The following GSE1 variants were observed in gnomAD, a reference collection of about 807,000 sequenced individuals.
The protein encoded by GSE1 is Gse1 coiled-coil protein.
A neutral mutation model predicts 112.6 loss-of-function variants in GSE1; 32 were observed. The ratio of observed to expected loss-of-function variants is 0.28; its 90% CI spans 0.21 to 0.38. GSE1 has a LOEUF of 0.38. Among genes scored for constraint, GSE1 ranks in the 10% least tolerant of loss-of-function variants. The pLI is 1.00. For synonymous variants in GSE1, 1,115 were observed against 735.6 expected (o/e 1.52, Z -8.35); for missense variants, 2,348 against 1,699.2 (o/e 1.38, Z -6.71).
At chr16:85,291,332 C>A (rs569056847) in intron 1 of GSE1, among the ~76,000 whole-genome samples, 1 of 152,320 alleles carries the variant, frequency 6.6e-6, no homozygotes, top group Admixed American at 6.5e-5. Context: ...CCCTGGGCAG[C>A]CCGCTCTGCA....
intron 1 of GSE1, among the ~76,000 whole-genome samples, chr16:85,247,993 C>A (rs1455318700): frequency 1.3e-5 from 2 of 152,228 alleles, no homozygotes; most frequent in Non-Finnish European, 2.9e-5. Flanking sequence ...CTGTTGGGCT[C>A]AGGACAGCTA....
At chr16:85,246,283 C>CT (rs1905702601) in intron 1 of GSE1, among the ~76,000 whole-genome samples, 1 of 138,268 alleles carries the variant, frequency 7.2e-6, no homozygotes, top group Non-Finnish European at 1.6e-5. Context: ...ACCCCACACG[C>CT]TGTCTACACA....
At chr16:85,577,744 C>T (rs1284079728) in intron 1 of GSE1, among the ~76,000 whole-genome samples, 1 of 152,220 alleles carries the variant, frequency 6.6e-6, no homozygotes, top group African/African-American at 2.4e-5. Flanking sequence ...TCTTTCTACC[C>T]TTGCCCAGGA....
chr16:85,376,502 C>T (rs1402761350), intron 2 of GSE1, among the ~76,000 whole-genome samples: 2 of 152,200 alleles, frequency 1.3e-5, no homozygotes, highest in African/African-American at 4.8e-5. Flanking sequence ...AGCCTGTGGC[C>T]GGGTGGTGTG....
Position 85,655,786 on chromosome 16 carries a change from C to A in GSE1, c.858C>A (p.Pro286=), listed in dbSNP as rs138993136. 4 of 1,609,518 alleles carry A rather than the reference C, an allele frequency of 2.5e-6. No individual in the cohort carries two copies. The highest frequency in any genetic ancestry group is 3.4e-6 in the Non-Finnish European group (4 of 1,177,632). Reference sequence around the variant, plus strand: ...CCCCGTTCTACCCCATCCCCACCCCCGGCTCCCTGCCCCCACTGCACCCAT... The same window carrying A: ...CCCCGTTCTACCCCATCCCCACCCCAGGCTCCCTGCCCCCACTGCACCCAT... ...LRSPFYPIPT[P]GSLPPLHPSA... Residue 286 remains proline, a synonymous_variant, in exon 6 of 16, where the codon CCC becomes CCA. Coordinates refer to ENST00000253458, the MANE Select transcript of GSE1 (RefSeq NM_014615.5).
chr16:85,289,760 G>A (rs2045151083), intron 1 of GSE1, among the ~76,000 whole-genome samples: 3 of 152,194 alleles, frequency 2.0e-5, no homozygotes. Flanking sequence ...CGCCCGATGA[G>A]GAACCCAGGC....
intron 2 of GSE1, among the ~76,000 whole-genome samples, chr16:85,512,474 T>G (rs2051780780): frequency 6.6e-6 from 1 of 152,224 alleles, no homozygotes; most frequent in Non-Finnish European, 1.5e-5. Flanking sequence ...GTCTGCCTGA[T>G]GGGAACCCCA....
intron 1 of GSE1, among the ~76,000 whole-genome samples, chr16:85,210,383 T>G (rs915950456): frequency 4.6e-5 from 7 of 152,186 alleles, no homozygotes; most frequent in African/African-American, 1.4e-4. Flanking sequence ...GCGGGCAGAT[T>G]GCTTGAGCCC....
chr16:85,379,976 A>G (rs896049665), intron 2 of GSE1, among the ~76,000 whole-genome samples: 3 of 152,238 alleles, frequency 2.0e-5, no homozygotes, highest in South Asian at 4.1e-4. Flanking sequence ...CCTGCCAAGC[A>G]TGGTGGGCAA....
At chr16:85,245,868 C>G (rs1478278230) in intron 1 of GSE1, among the ~76,000 whole-genome samples, 2 of 151,832 alleles carry the variant, frequency 1.3e-5, no homozygotes, top group African/African-American at 4.8e-5. Context: ...AGTTCTGCCT[C>G]CTGCGTGTGC....
chr16:85,334,512 C>T (rs368714413), intron 1 of GSE1, among the ~76,000 whole-genome samples: 117 of 152,312 alleles, frequency 7.7e-4, no homozygotes, highest in African/African-American at 2.7e-3. Context: ...CTGTCTGTCC[C>T]CAGGTTCTGC....
chr16:85,605,516 T>C (rs150486781), intron 1 of GSE1, among the ~76,000 whole-genome samples: 247 of 152,194 alleles, frequency 1.6e-3, no homozygotes, highest in Non-Finnish European at 2.6e-3. Flanking sequence ...CATGGCTCTC[T>C]CTATTGTCTT....
intron 1 of GSE1, among the ~76,000 whole-genome samples, chr16:85,596,183 C>T (rs545103988): frequency 1.8e-4 from 27 of 152,234 alleles, no homozygotes; most frequent in African/African-American, 6.3e-4. Context: ...ACCGCTGCAT[C>T]GCAGCTCGAA....
intron 1 of GSE1, among the ~76,000 whole-genome samples, chr16:85,206,272 C>G (rs536549625): frequency 2.0e-5 from 3 of 151,958 alleles, no homozygotes; most frequent in African/African-American, 7.3e-5. Context: ...GGGGGAAGCC[C>G]GGGCCGGAGA....
intron 2 of GSE1, among the ~76,000 whole-genome samples, chr16:85,640,387 G>A (rs116812951): frequency 0.01 from 1,592 of 152,370 alleles, 32 homozygotes; most frequent in African/African-American, 0.036. Context: ...CCACAGGGAC[G>A]GGGCCGACAG....
chr16:85,371,420 G>C (rs1165064670), intron 2 of GSE1, among the ~76,000 whole-genome samples: 1 of 152,196 alleles, frequency 6.6e-6, no homozygotes, highest in African/African-American at 2.4e-5. Flanking sequence ...GAGGGTGTGC[G>C]TCCTGGCTGC....
intron 2 of GSE1, among the ~76,000 whole-genome samples, chr16:85,494,217 C>T (rs1472406684): frequency 1.3e-5 from 2 of 152,198 alleles, no homozygotes; most frequent in Non-Finnish European, 2.9e-5. Context: ...GGGCCGTGCT[C>T]CCTGTGCAGG....
At chr16:85,238,117 C>T (rs1428279804) in intron 1 of GSE1, among the ~76,000 whole-genome samples, 4 of 152,180 alleles carry the variant, frequency 2.6e-5, no homozygotes, top group Non-Finnish European at 5.9e-5. Context: ...GCCTGTGGTG[C>T]TGTTGGACCC....
chr16:85,182,484 AC>A (rs1338851702), intron 1 of GSE1, among the ~76,000 whole-genome samples: 2 of 152,112 alleles, frequency 1.3e-5, no homozygotes, highest in African/African-American at 4.8e-5. Flanking sequence ...CCATGCCTCA[AC>A]CTCTTTCTCT....
Sources: gnomAD v4.1 joint callset for allele counts (sites outside exome capture counted in the v4.1 genomes callset) on GRCh38, gnomAD v4.1.1 for gene constraint, MANE v1.5 for transcripts, NCBI Gene and HGNC (gene_info 2026-07-23, HGNC 2026-07-21) for gene names.